Variants in FOXP2 observed in about 807,000 individuals in gnomAD.
FOXP2 encodes forkhead box protein P2.
A neutral mutation model predicts 115.8 loss-of-function variants in FOXP2; 12 were observed. The observed-to-expected ratio is 0.10, with a 90% CI of 0.07 to 0.17. The LOEUF (loss-of-function observed/expected upper bound fraction) is 0.17. Ranked by LOEUF, FOXP2 falls within the 10% of genes least tolerant of loss-of-function variation. The pLI is 1.00. For synonymous variants in FOXP2, 328 were observed against 297.7 expected, an observed-to-expected ratio of 1.10 and a Z score of -1.05; for missense variants, 629 against 843.5, an observed-to-expected ratio of 0.75 and a Z score of 3.15.
At chr7:114,605,577 G>T (rs536582635) in intron 3 of FOXP2, among the ~76,000 whole-genome samples, 8 of 152,126 alleles carry the variant, frequency 5.3e-5, no homozygotes, top group Non-Finnish European at 1.2e-4. Flanking sequence ...GCTAATCCAG[G>T]TGCCCTGTGG....
At position 114,534,479 on chromosome 7, in the gene FOXP2, A is replaced by G. The variant is rs1799283340; in HGVS notation, c.169-138A>G. The stretch of plus-strand genomic sequence containing the variant: ...TGTTTGGCAATTTTTTTCATATTAG[A>G]AGATAAACAACAATGATTCTCTCTA... On this transcript the variant is annotated intron_variant, in intron 2 of 16. Coordinates refer to ENST00000350908, the MANE Select transcript of FOXP2 (RefSeq NM_014491.4). The G allele has an allele frequency of 4.0e-6, 3 of 758,542 alleles. No homozygotes were observed. The South Asian group carries it at 4.6e-5, about 12-fold the overall frequency. The allele number at this position is 758,542 out of a possible 1,614,324, so 47.0% of individuals were successfully genotyped here.
At chr7:114,577,737 A>C (rs973362178) in intron 3 of FOXP2, among the ~76,000 whole-genome samples, 6 of 151,944 alleles carry the variant, frequency 3.9e-5, no homozygotes, top group African/African-American at 1.4e-4. Flanking sequence ...GTTATACTTC[A>C]GACTACATAT....
intron 1 of FOXP2, chr7:114,285,528 T>A (rs1321808928): frequency 6.6e-6 from 1 of 152,152 alleles, no homozygotes; most frequent in Non-Finnish European, 1.5e-5. Context: ...TAGGGTGCTT[T>A]GAGAGCATAA....
intron 3 of FOXP2, among the ~76,000 whole-genome samples, chr7:114,568,201 T>C (rs920454423): frequency 6.6e-6 from 1 of 152,056 alleles, no homozygotes. Flanking sequence ...GTGTCTCTTG[T>C]TCCTATGGAT....
At chr7:114,591,594 G>T (rs1584931313) in intron 3 of FOXP2, among the ~76,000 whole-genome samples, 1 of 151,774 alleles carries the variant, frequency 6.6e-6, no homozygotes, top group East Asian at 1.9e-4. Context: ...TCTGCTCATG[G>T]GTCTGTCATG....
intron 16 of FOXP2, among the ~76,000 whole-genome samples, chr7:114,678,379 C>T (rs543849842): frequency 4.6e-5 from 7 of 151,978 alleles, no homozygotes; most frequent in African/African-American, 9.7e-5. Flanking sequence ...GTTTGAGAGC[C>T]GTGTCTTATA....
intron 13 of FOXP2, among the ~76,000 whole-genome samples, chr7:114,661,360 C>G (rs1238025880): frequency 6.6e-6 from 1 of 151,924 alleles, no homozygotes; most frequent in Non-Finnish European, 1.5e-5. Context: ...AGTAATTACT[C>G]TAATACAAAG....
At chr7:114,360,951 G>C (rs1791731363) in intron 2 of FOXP2, among the ~76,000 whole-genome samples, 1 of 152,120 alleles carries the variant, frequency 6.6e-6, no homozygotes, top group Admixed American at 6.5e-5. Context: ...AAACCACTCA[G>C]TGAAGATAAA....
intron 3 of FOXP2, among the ~76,000 whole-genome samples, chr7:114,582,945 T>C (rs1801943139): frequency 6.6e-6 from 1 of 152,138 alleles, no homozygotes; most frequent in South Asian, 2.1e-4. Context: ...CAAGATAACA[T>C]CTTTATATAC....
At chr7:114,479,854 C>G (rs1035135270) in intron 2 of FOXP2, among the ~76,000 whole-genome samples, 10 of 151,420 alleles carry the variant, frequency 6.6e-5, no homozygotes, top group Admixed American at 4.0e-4. Context: ...TAATGAGTTG[C>G]ATAAAAGCTT....
chr7:114,521,226 A>G (rs548629484), intron 2 of FOXP2, among the ~76,000 whole-genome samples: 50 of 152,288 alleles, frequency 3.3e-4, no homozygotes, highest in African/African-American at 1.2e-3. Context: ...TTCATGGATA[A>G]TTGAGTCTGA....
In FOXP2 at chr7:114,187,585, G is replaced by T. The variant is rs536284200; in HGVS notation, c.-102+24497G>T. On this transcript the variant is annotated intron_variant, in intron 1 of 17. Transcript: ENST00000634411. ...AGCTGACAAAAGAATTGCCCTTAATGCTTTATTCATGTAAATACAGACTTT... is the reference window on the plus strand; with the variant it reads ...AGCTGACAAAAGAATTGCCCTTAATTCTTTATTCATGTAAATACAGACTTT... 2.6e-4 allele frequency among the ~76,000 whole-genome samples: 39 copies of T among 152,272 alleles called. 2 individuals carry two copies. In the South Asian group the frequency reaches 8.1e-3, roughly 32 times the overall value.
At chr7:114,242,686 G>T (rs1040556844) in intron 1 of FOXP2, among the ~76,000 whole-genome samples, 1 of 152,166 alleles carries the variant, frequency 6.6e-6, no homozygotes, top group Non-Finnish European at 1.5e-5. Flanking sequence ...TCACTAGAAC[G>T]TTTCTCTCTA....
intron 2 of FOXP2, among the ~76,000 whole-genome samples, chr7:114,475,074 G>A (rs551515262): frequency 2.1e-4 from 32 of 152,020 alleles, no homozygotes; most frequent in South Asian, 1.0e-3. Flanking sequence ...GCATGCATCC[G>A]TCTATCCATT....
intron 1 of FOXP2, among the ~76,000 whole-genome samples, chr7:114,150,675 TATG>T (rs1792506548): frequency 6.6e-6 from 1 of 152,078 alleles, no homozygotes; most frequent in African/African-American, 2.4e-5. Flanking sequence ...ATATTCTTTA[TATG>T]ATGTCTACTT....
chr7:114,668,383 C>T (rs778676007), intron 16 of FOXP2: 11 of 152,170 alleles, frequency 7.2e-5, no homozygotes, highest in East Asian at 1.9e-4. Flanking sequence ...CTCCAGTTTT[C>T]GCTTTATTCA....
chr7:114,516,601 A>C (rs1345418587), intron 2 of FOXP2, among the ~76,000 whole-genome samples: 1 of 152,070 alleles, frequency 6.6e-6, no homozygotes. Flanking sequence ...TTTCCATAAT[A>C]GCTGTGCCAA....
At chr7:114,121,448 T>C (rs1791563450) in intron 1 of FOXP2, among the ~76,000 whole-genome samples, 1 of 152,132 alleles carries the variant, frequency 6.6e-6, no homozygotes, top group South Asian at 2.1e-4. Context: ...TAAATTCAGT[T>C]TTTTACATTT....
chr7:114,679,493 C>A (rs1807963827), intron 16 of FOXP2, among the ~76,000 whole-genome samples: 1 of 152,106 alleles, frequency 6.6e-6, no homozygotes, highest in Non-Finnish European at 1.5e-5. Context: ...TTTTCATTAT[C>A]CTGCTCAAAA....
Sources: gnomAD v4.1 joint callset for allele counts (sites outside exome capture counted in the v4.1 genomes callset) on GRCh38, gnomAD v4.1.1 for gene constraint, MANE v1.5 for transcripts, NCBI Gene and HGNC (gene_info 2026-07-23, HGNC 2026-07-21) for gene names.